VPS26A: variants seen among roughly 807,000 people sequenced by gnomAD.
VPS26A encodes the protein vacuolar protein sorting-associated protein 26A.
In VPS26A, 22 loss-of-function variants were observed where a neutral mutation model predicts 42.4. That is an observed-to-expected ratio of 0.52 (90% CI 0.37 to 0.74). VPS26A has a LOEUF of 0.74. Ranked by LOEUF, VPS26A falls within the 30% of genes least tolerant of loss-of-function variation. The pLI is 0.00. For missense variants in VPS26A, 276 were observed against 379.2 expected, an observed-to-expected ratio of 0.73 and a Z score of 2.26; for synonymous variants, 110 against 123.5, an observed-to-expected ratio of 0.89 and a Z score of 0.73.
intron 6 of VPS26A, among the ~76,000 whole-genome samples, chr10:69,162,817 A>G (rs1841590316): frequency 6.6e-6 from 1 of 152,240 alleles, no homozygotes; most frequent in African/African-American, 2.4e-5. Context: ...TAATATGTTT[A>G]TTATAAGTTT....
intron 6 of VPS26A, among the ~76,000 whole-genome samples, chr10:69,163,834 C>T (rs1285976119): frequency 6.1e-5 from 9 of 147,442 alleles, no homozygotes; most frequent in African/African-American, 1.0e-4. Context: ...GGCGCAATCT[C>T]GGCTCACTGC....
chr10:69,145,241 G>A (rs1430589369), intron 2 of VPS26A, among the ~76,000 whole-genome samples: 2 of 151,964 alleles, frequency 1.3e-5, no homozygotes, highest in African/African-American at 4.8e-5. Context: ...CACCATATTG[G>A]CCAGGCTGGT....
rs1840785806 is a variant in VPS26A, at chr10:69,131,809, CTG to C, written c.4-1085_4-1084del. Among the ~76,000 whole-genome samples the C allele has an allele frequency of 2.0e-5, 3 of 152,258 alleles. No homozygotes were observed. In the East Asian group the frequency reaches 5.8e-4, roughly 29 times the overall value. On this transcript the variant is annotated intron_variant, in intron 1 of 8. Transcript: ENST00000263559. Reference sequence around the variant, plus strand: ...GGATGACATGATAGGAGACTGTTCTCTGTGTAAACTTAAAAAGATTAGAAGAC... The same window carrying C: ...GGATGACATGATAGGAGACTGTTCTCTGTAAACTTAAAAAGATTAGAAGAC...
At chr10:69,147,875 C>CATAAAAAAAAA (rs1841198584) in intron 2 of VPS26A, among the ~76,000 whole-genome samples, 1 of 151,936 alleles carries the variant, frequency 6.6e-6, no homozygotes. Flanking sequence ...ACCATGCCCA[C>CATAAAAAAAAA]CTAATTTTTA....
At position 69,157,118 on chromosome 10, in the gene VPS26A, T is replaced by C. The variant is rs771731408; in HGVS notation, c.341T>C (p.Val114Ala). ...SRSYDFEFMQ[V>A]EKPYESYIGA... ...AGTTATGATTTTGAATTTATGCAAG[T>C]TGAAAAGCCATATGAATCTTACATC... Residue 114 changes from valine to alanine, a missense_variant, in exon 4 of 9, where the codon GTT becomes GCT. Transcript: ENST00000263559. The C allele has an allele frequency of 2.5e-6, 4 of 1,613,682 alleles. No homozygotes were observed. Among genetic ancestry groups the C allele is most frequent in the Non-Finnish European group, 3.4e-6 (4 of 1,179,726 alleles).
rs1477573578 is a variant in VPS26A at position 69,173,630 on chromosome 10, ACACTCTAGCTAGGATTGTAAAACG to A, written c.*2368_*2391del. Among the ~76,000 whole-genome samples the A allele has an allele frequency of 6.6e-6, 1 of 152,222 alleles. No individual in the cohort carries two copies. Among genetic ancestry groups the A allele is most frequent in the Non-Finnish European group, 1.5e-5 (1 of 68,034 alleles). On this transcript the variant is annotated 3_prime_UTR_variant, in exon 9 of 9. Transcript: ENST00000263559. Reference sequence around the variant, plus strand: ...AGGGGATTGTAGAATGCACCAATCAACACTCTAGCTAGGATTGTAAAACGCACTCTGGCTAGCTGGAGGTTTGTA... The same window carrying A: ...AGGGGATTGTAGAATGCACCAATCAACACTCTGGCTAGCTGGAGGTTTGTA...
intron 6 of VPS26A, among the ~76,000 whole-genome samples, chr10:69,163,800 C>G (rs1183500871): frequency 2.1e-5 from 3 of 143,800 alleles, no homozygotes; most frequent in Non-Finnish European, 4.5e-5. Flanking sequence ...GAGTCTCGCT[C>G]TGTGGCCCAG....
chr10:69,152,338 A>G (rs528802770), intron 2 of VPS26A, among the ~76,000 whole-genome samples: 1 of 152,372 alleles, frequency 6.6e-6, no homozygotes, highest in East Asian at 1.9e-4. Context: ...TAATCGGCAT[A>G]TACTTGTATA....
chr10:69,133,765 C>G (rs893973145), intron 2 of VPS26A: 1 of 389,690 alleles, frequency 2.6e-6, no homozygotes, highest in Non-Finnish European at 4.8e-6. Flanking sequence ...TTACTGCATG[C>G]GGCCTTGTAC....
intron 2 of VPS26A, among the ~76,000 whole-genome samples, chr10:69,146,162 C>T (rs1408726077): frequency 1.3e-5 from 2 of 152,064 alleles, no homozygotes; most frequent in Non-Finnish European, 2.9e-5. Flanking sequence ...TGGTGTGATA[C>T]GGGCTCACTG....
At chr10:69,170,139 CATG>C (rs1841785096) in intron 8 of VPS26A, 1 of 152,148 alleles carries the variant, frequency 6.6e-6, no homozygotes, top group African/African-American at 2.4e-5. Flanking sequence ...CTTTTATAAA[CATG>C]ATCTGTCCTC....
chr10:69,151,451 CAAAAAA>C (rs150296063), intron 2 of VPS26A, among the ~76,000 whole-genome samples: 1 of 105,480 alleles, frequency 9.5e-6, no homozygotes, highest in Non-Finnish European at 1.9e-5. Context: ...GACTCCGTCT[CAAAAAA>C]AAAAAAAAAA....
intron 1 of VPS26A, among the ~76,000 whole-genome samples, chr10:69,126,870 AG>A (rs1352709645): frequency 2.9e-4 from 11 of 37,436 alleles, no homozygotes; most frequent in Non-Finnish European, 1.4e-3. Context: ...TTTTTTCCTC[AG>A]TTATTTTTTT....
In VPS26A at chr10:69,157,128, A is replaced by G. The variant is rs552594499; in HGVS notation, c.351A>G (p.Pro117=). The part of the protein sequence containing the change: ...YDFEFMQVEK[P]YESYIGANVR... Reference sequence around the variant, plus strand: ...TTGAATTTATGCAAGTTGAAAAGCCATATGAATCTTACATCGGTGCCAATG... The same window carrying G: ...TTGAATTTATGCAAGTTGAAAAGCCGTATGAATCTTACATCGGTGCCAATG... The change falls in exon 4 of 9, where the codon CCA becomes CCG. Residue 117 remains proline (P), a synonymous_variant. Transcript: ENST00000263559. 6.8e-6 allele frequency: 11 copies of G among 1,613,464 alleles called. No homozygotes were observed. The highest frequency in any genetic ancestry group is 2.2e-5 in the South Asian group (2 of 91,034).
In VPS26A at chr10:69,171,218, G is replaced by A; in HGVS notation, c.933G>A (p.Gln311=). Residue 311 remains glutamine, a synonymous_variant, in exon 9 of 9, where the codon CAG becomes CAA. Coordinates refer to ENST00000263559, the MANE Select transcript of VPS26A (RefSeq NM_004896.5). ...KLRKQRTNFH[Q]RFESPESQAS... ...GGAAACAGAGAACAAACTTTCACCA[G>A]CGATTTGAATCTCCAGAATCACAGG... 1.2e-6 allele frequency: 2 copies of A among 1,613,872 alleles called. No homozygotes were observed. The highest frequency in any genetic ancestry group is 1.7e-6 in the Non-Finnish European group (2 of 1,179,948).
intron 6 of VPS26A, among the ~76,000 whole-genome samples, 184 bp from the exon 7 acceptor site, chr10:69,165,858 A>T (rs1202492863): frequency 4.6e-5 from 7 of 152,074 alleles, no homozygotes; most frequent in Non-Finnish European, 7.4e-5. Context: ...AGGCAGAAGG[A>T]TTGCTTAAGC....
chr10:69,146,101 A>G (rs1422426766), intron 2 of VPS26A, among the ~76,000 whole-genome samples: 2 of 152,000 alleles, frequency 1.3e-5, no homozygotes, highest in African/African-American at 2.4e-5. Context: ...TTATTCATTC[A>G]TTCATTCATT....
chr10:69,165,043 T>C (rs1046696385), intron 6 of VPS26A, among the ~76,000 whole-genome samples: 1 of 151,798 alleles, frequency 6.6e-6, no homozygotes, highest in Non-Finnish European at 1.5e-5. Flanking sequence ...TTCTCCTGCC[T>C]CAGCCTCCTG....
At chr10:69,161,939 C>A in intron 5 of VPS26A, 1 of 201,694 alleles carries the variant, frequency 5.0e-6, no homozygotes, top group East Asian at 1.1e-4. Flanking sequence ...TGAATACACC[C>A]AGGCCGCCAC....
Sources: allele counts gnomAD v4.1 joint callset (sites outside exome capture counted in the v4.1 genomes callset), GRCh38; gene constraint gnomAD v4.1.1; transcripts MANE v1.5; gene names NCBI Gene and HGNC (gene_info 2026-07-23, HGNC 2026-07-21).